The following TMEM233 variants were observed in gnomAD, a reference collection of about 807,000 sequenced individuals.
TMEM233 encodes the protein transmembrane protein 233, also known as dispanin subfamily B member 2.
TMEM233 carries 6 observed loss-of-function variants against 11.2 expected under a neutral mutation model. That is an observed-to-expected ratio of 0.54 (90% CI 0.29 to 1.06). The LOEUF is 1.06. Among genes scored for constraint, TMEM233 ranks in the 50% least tolerant of loss-of-function variants. The pLI is 0.08. For missense variants in TMEM233, 127 were observed against 144.7 expected (o/e 0.88, Z 0.63); for synonymous variants, 59 against 55.8 (o/e 1.06, Z -0.26).
the TMEM233 span, among the ~76,000 whole-genome samples, chr12:119,650,020 C>T: frequency 4.0e-5 from 6 of 151,724 alleles, no homozygotes; most frequent in African/African-American, 7.3e-5. Flanking sequence ...TAGCCGGGCG[C>T]GGTGGCGGGC....
chr12:119,653,545 T>C, the TMEM233 span, among the ~76,000 whole-genome samples: 1 of 151,914 alleles, frequency 6.6e-6, no homozygotes, highest in Non-Finnish European at 1.5e-5. Context: ...CCAATACATA[T>C]GTTAAAGAAT....
At chr12:119,636,528 G>A (rs536097690) in intron 2 of TMEM233, among the ~76,000 whole-genome samples, 9 of 151,996 alleles carry the variant, frequency 5.9e-5, no homozygotes, top group East Asian at 5.8e-4. Flanking sequence ...ATGTTGCCCC[G>A]GCTGGTCTTG....
chr12:119,604,763 G>T (rs991778974), intron 1 of TMEM233, among the ~76,000 whole-genome samples: 3 of 152,086 alleles, frequency 2.0e-5, no homozygotes, highest in Non-Finnish European at 4.4e-5. Context: ...TCTCCAAAGT[G>T]CTGGAATTAC....
chr12:119,644,333 C>G (rs1446349147), downstream of TMEM233, among the ~76,000 whole-genome samples: 2 of 152,070 alleles, frequency 1.3e-5, no homozygotes, highest in East Asian at 3.9e-4. Flanking sequence ...CCAAAGTACT[C>G]TTACCAGAAG....
downstream of TMEM233, among the ~76,000 whole-genome samples, chr12:119,646,567 A>T (rs1372149326): frequency 6.6e-6 from 1 of 152,196 alleles, no homozygotes; most frequent in Non-Finnish European, 1.5e-5. Flanking sequence ...ACCTTCTAGA[A>T]GCTATCCACA....
At chr12:119,606,778 A>T (rs990580136) in intron 1 of TMEM233, among the ~76,000 whole-genome samples, 1 of 152,254 alleles carries the variant, frequency 6.6e-6, no homozygotes, top group African/African-American at 2.4e-5. Context: ...AACATAAAGC[A>T]TGGTGCCTAG....
intron 1 of TMEM233, among the ~76,000 whole-genome samples, chr12:119,599,776 C>G (rs988771358): frequency 6.6e-6 from 1 of 152,178 alleles, no homozygotes; most frequent in African/African-American, 2.4e-5. Flanking sequence ...TACCACCCCA[C>G]ACAGCCAGGC....
At chr12:119,639,412 T>G (rs1048489192) in intron 2 of TMEM233, among the ~76,000 whole-genome samples, 1 of 150,888 alleles carries the variant, frequency 6.6e-6, no homozygotes, top group Non-Finnish European at 1.5e-5. Context: ...GGTCAGGAGA[T>G]CGATACCATC....
At chr12:119,630,894 G>T (rs1954865930) in intron 2 of TMEM233, among the ~76,000 whole-genome samples, 1 of 152,174 alleles carries the variant, frequency 6.6e-6, no homozygotes, top group Non-Finnish European at 1.5e-5. Flanking sequence ...GGGCAGAAAG[G>T]TCACTACATA....
chr12:119,645,423 AT>A (rs1239985530), downstream of TMEM233, among the ~76,000 whole-genome samples: 5 of 151,944 alleles, frequency 3.3e-5, no homozygotes, highest in Non-Finnish European at 1.5e-5. Flanking sequence ...AGTCTGGGGA[AT>A]TGCCCTATAA....
chr12:119,621,514 A>G (rs1213716402), intron 1 of TMEM233, among the ~76,000 whole-genome samples: 1 of 152,158 alleles, frequency 6.6e-6, no homozygotes, highest in Non-Finnish European at 1.5e-5. Flanking sequence ...GAGAGAAAAA[A>G]AAAACACAAA....
Position 119,594,405 on chromosome 12 carries a change from AG to A in TMEM233, c.186+372del, listed in dbSNP as rs563650188. 4.6e-3 allele frequency: 943 copies of A among 205,638 alleles called. 2 individuals are homozygous for A. Among genetic ancestry groups the A allele is most frequent in the Non-Finnish European group, 7.3e-3 (743 of 101,950 alleles). The allele number at this position is 205,638 out of a possible 1,614,324, so 12.7% of individuals were successfully genotyped here. ...GGGGCTTCTCAACCCTCTTTTCTAG[AG>A]CCCCAGTGCGCGCCACCCTAGCGAG... is the stretch of plus-strand genomic sequence containing the variant. On this transcript the variant is annotated intron_variant, in intron 1 of 2. Transcript: ENST00000426426. This position sits in a 1 kb window ranked among gnomAD's most constrained non-coding sequence, Gnocchi z 5.6.
Position 119,594,190 on chromosome 12 carries a change from G to GGCTC in TMEM233, c.186+157_186+160dup, listed in dbSNP as rs1953981193. ...TCGCACCTCCTCCTCACCTTTCTCGGGCTCTCAGAGCTCTCCCCGCAATCA... is the reference window on the plus strand; with the variant it reads ...TCGCACCTCCTCCTCACCTTTCTCGGGCTCGCTCTCAGAGCTCTCCCCGCAATCA... On this transcript the variant is annotated intron_variant, in intron 1 of 2. Coordinates refer to ENST00000426426, the MANE Select transcript of TMEM233 (RefSeq NM_001136534.3). This position sits in a 1 kb window ranked among gnomAD's most constrained non-coding sequence, Gnocchi z 5.6. 1 of 708,480 alleles carries GGCTC rather than the reference G, an allele frequency of 1.4e-6. No homozygotes were observed. The highest frequency in any genetic ancestry group is 2.3e-6 in the Non-Finnish European group (1 of 431,656). 43.9% of individuals were successfully genotyped at this position (708,480 alleles called of 1,614,324 possible). A position where few individuals can be genotyped will look rare whatever the true frequency, so the allele number is the denominator to read the frequency against.
At chr12:119,649,668 CTT>C in the TMEM233 span, among the ~76,000 whole-genome samples, 1 of 152,034 alleles carries the variant, frequency 6.6e-6, no homozygotes, top group Non-Finnish European at 1.5e-5. Context: ...CACTCTAAGA[CTT>C]ATTTCTGATA....
intron 1 of TMEM233, among the ~76,000 whole-genome samples, chr12:119,597,056 GAT>G (rs997504970): frequency 6.6e-6 from 1 of 152,136 alleles, no homozygotes. Flanking sequence ...TTTTCCCATT[GAT>G]ATATAGTGCA....
intron 1 of TMEM233, among the ~76,000 whole-genome samples, chr12:119,621,854 C>T (rs1460581549): frequency 6.6e-6 from 1 of 152,198 alleles, no homozygotes; most frequent in Admixed American, 6.5e-5. Context: ...AAAAGACCAG[C>T]TAGCCAAAGC....
At chr12:119,633,426 A>T (rs1014235390) in intron 2 of TMEM233, among the ~76,000 whole-genome samples, 38 of 151,490 alleles carry the variant, frequency 2.5e-4, no homozygotes, top group Non-Finnish European at 2.1e-4. Context: ...AAAAAAAAAA[A>T]ATTTTTTTTA....
intron 1 of TMEM233, among the ~76,000 whole-genome samples, chr12:119,598,418 C>T (rs562350275): frequency 2.0e-5 from 3 of 152,228 alleles, no homozygotes; most frequent in Admixed American, 2.0e-4. Flanking sequence ...TACACAATAA[C>T]CAATGACTTT....
intron 2 of TMEM233, among the ~76,000 whole-genome samples, chr12:119,640,153 G>GTTGTTTTGTT (rs10678794): frequency 6.6e-5 from 10 of 150,966 alleles, no homozygotes; most frequent in Admixed American, 1.3e-4. Context: ...GTTTGTTGTT[G>GTTGTTTTGTT]TTGTTTTGTT....
Sources: allele counts gnomAD v4.1 joint callset (sites outside exome capture counted in the v4.1 genomes callset), GRCh38; gene constraint gnomAD v4.1.1; non-coding constraint Gnocchi (gnomAD v3.1); transcripts MANE v1.5; gene names NCBI Gene and HGNC (gene_info 2026-07-23, HGNC 2026-07-21).